The following RBFOX1 variants were observed in gnomAD, a reference collection of about 807,000 sequenced individuals.
The protein encoded by RBFOX1 is RNA binding fox-1 homolog 1, also known as RNA binding protein fox-1 homolog 1.
A neutral mutation model predicts 57.7 loss-of-function variants in RBFOX1; 8 were observed. That is an observed-to-expected ratio of 0.14 (90% CI 0.08 to 0.25). The LOEUF is 0.25. Ranked by LOEUF, RBFOX1 falls within the 10% of genes least tolerant of loss-of-function variation. RBFOX1 has a pLI of 1.00. For missense variants in RBFOX1, 611 were observed against 548.5 expected, an observed-to-expected ratio of 1.11 and a Z score of -1.14; for synonymous variants, 326 against 222.4, an observed-to-expected ratio of 1.47 and a Z score of -4.15.
At chr16:7,492,590 C>G (rs1241575872) in intron 4 of RBFOX1, among the ~76,000 whole-genome samples, 1 of 152,198 alleles carries the variant, frequency 6.6e-6, no homozygotes, top group Admixed American at 6.5e-5. Context: ...ATTGTCCCAT[C>G]TAAATCTCAT....
chr16:6,887,528 T>C (rs1276699542), intron 3 of RBFOX1, among the ~76,000 whole-genome samples: 1 of 152,006 alleles, frequency 6.6e-6, no homozygotes, highest in Non-Finnish European at 1.5e-5. Flanking sequence ...GTGATTTCCC[T>C]ATATCTGTTT....
rs151084770 is a variant in RBFOX1, at chr16:6,829,277, A to G, written c.-16+174627A>G. 5.2e-3 allele frequency among the ~76,000 whole-genome samples: 792 copies of G among 152,116 alleles called. 14 individuals are homozygous for G. Among genetic ancestry groups the G allele is most frequent in the African/African-American group, 0.019 (771 of 41,508 alleles). On this transcript the variant is annotated intron_variant, in intron 3 of 15. Coordinates refer to ENST00000550418, the MANE Select transcript of RBFOX1 (RefSeq NM_018723.4). Reference sequence around the variant, plus strand: ...AAAAAAAAATAGCATAAAAGGAGAAATCTGAGAAGTTCTACTTTTAGGAAT... The same window carrying G: ...AAAAAAAAATAGCATAAAAGGAGAAGTCTGAGAAGTTCTACTTTTAGGAAT...
chr16:7,129,314 T>C (rs1238854054), intron 4 of RBFOX1, among the ~76,000 whole-genome samples: 7 of 152,114 alleles, frequency 4.6e-5, no homozygotes, highest in Non-Finnish European at 1.0e-4. Context: ...TTTGGTTAGA[T>C]TTGGGTCCTG....
chr16:6,932,449 T>G (rs140871893), intron 3 of RBFOX1, among the ~76,000 whole-genome samples: 74 of 152,250 alleles, frequency 4.9e-4, no homozygotes, highest in African/African-American at 1.7e-3. Context: ...ACCATTACAT[T>G]GGCAGTTACA....
chr16:5,888,603 C>G (rs1041927102), intron 4 of RBFOX1, among the ~76,000 whole-genome samples: 3 of 152,020 alleles, frequency 2.0e-5, no homozygotes, highest in East Asian at 3.9e-4. Flanking sequence ...CAAGACCAGC[C>G]TGACCAACAT....
intron 2 of RBFOX1, among the ~76,000 whole-genome samples, chr16:6,571,419 G>T (rs1021507204): frequency 6.6e-6 from 1 of 152,204 alleles, no homozygotes; most frequent in Non-Finnish European, 1.5e-5. Flanking sequence ...GTGATCTATG[G>T]CAGAGACCCA....
At chr16:7,031,221 C>G (rs898156038) in intron 3 of RBFOX1, among the ~76,000 whole-genome samples, 1 of 152,168 alleles carries the variant, frequency 6.6e-6, no homozygotes, top group African/African-American at 2.4e-5. Flanking sequence ...GCTGCCTGGC[C>G]TGGAATCCTG....
At chr16:5,494,295 C>T (rs2042929495) in intron 2 of RBFOX1, among the ~76,000 whole-genome samples, 1 of 152,198 alleles carries the variant, frequency 6.6e-6, no homozygotes, top group African/African-American at 2.4e-5. Flanking sequence ...CTAGAATCTG[C>T]AGCGTATGTG....
intron 4 of RBFOX1, among the ~76,000 whole-genome samples, chr16:7,504,737 A>ATATTTATATATATATATATT (rs1953514431): frequency 1.5e-4 from 1 of 6,492 alleles, no homozygotes; most frequent in African/African-American, 3.8e-4. Flanking sequence ...ATATATATAT[A>ATATTTATATATATATATATT]TATATATATA....
chr16:7,663,227 T>TCAAAG, intron 12 of RBFOX1, among the ~76,000 whole-genome samples: 1 of 152,276 alleles, frequency 6.6e-6, no homozygotes, highest in East Asian at 1.9e-4. Context: ...GAAAAAGAAT[T>TCAAAG]CAAAGCATAG....
At chr16:6,639,235 T>C (rs1348771954) in intron 2 of RBFOX1, among the ~76,000 whole-genome samples, 1 of 152,212 alleles carries the variant, frequency 6.6e-6, no homozygotes, top group African/African-American at 2.4e-5. Flanking sequence ...GGACTGCCCA[T>C]TGGATGTCTT....
intron 3 of RBFOX1, among the ~76,000 whole-genome samples, chr16:6,854,359 G>GTTTCCT (rs2057402911): frequency 6.6e-6 from 1 of 152,006 alleles, no homozygotes; most frequent in Admixed American, 6.6e-5. Context: ...AGAGGAAAGG[G>GTTTCCT]CTTAAGGGGT....
At chr16:5,999,329 C>G (rs1484366391) in intron 4 of RBFOX1, among the ~76,000 whole-genome samples, 1 of 152,224 alleles carries the variant, frequency 6.6e-6, no homozygotes, top group Non-Finnish European at 1.5e-5. Flanking sequence ...TTTCTCTCAG[C>G]TCAGACATCA....
chr16:6,184,380 G>C (rs2097091237), intron 1 of RBFOX1, among the ~76,000 whole-genome samples: 1 of 152,134 alleles, frequency 6.6e-6, no homozygotes, highest in Non-Finnish European at 1.5e-5. Context: ...AATCCAGAAG[G>C]AGACATTACA....
chr16:7,246,968 AC>A (rs1448198104), intron 4 of RBFOX1, among the ~76,000 whole-genome samples: 1 of 152,098 alleles, frequency 6.6e-6, no homozygotes, highest in African/African-American at 2.4e-5. Flanking sequence ...ACATTAGGAT[AC>A]CCTATGTATT....
At chr16:7,630,375 G>A (rs532503663) in intron 10 of RBFOX1, among the ~76,000 whole-genome samples, 2 of 151,688 alleles carry the variant, frequency 1.3e-5, no homozygotes, top group Admixed American at 1.3e-4. Flanking sequence ...ACACAACCCC[G>A]TGTGAAAAGT....
intron 2 of RBFOX1, among the ~76,000 whole-genome samples, chr16:6,617,741 C>A (rs1257828282): frequency 6.6e-6 from 1 of 152,102 alleles, no homozygotes; most frequent in Non-Finnish European, 1.5e-5. Context: ...ATATTTTGTG[C>A]AATTTCAGCC....
chr16:6,372,538 G>A (rs2090589522), intron 2 of RBFOX1, among the ~76,000 whole-genome samples: 1 of 152,054 alleles, frequency 6.6e-6, no homozygotes, highest in African/African-American at 2.4e-5. Flanking sequence ...TAGGATCTTT[G>A]GGTAGGAGGA....
At chr16:7,175,231 G>T (rs1184466699) in intron 4 of RBFOX1, among the ~76,000 whole-genome samples, 1 of 151,802 alleles carries the variant, frequency 6.6e-6, no homozygotes, top group Non-Finnish European at 1.5e-5. Flanking sequence ...CCCAGTGTGT[G>T]TTGTTCCTCT....
Sources: allele counts gnomAD v4.1 joint callset (sites outside exome capture counted in the v4.1 genomes callset), GRCh38; gene constraint gnomAD v4.1.1; transcripts MANE v1.5; gene names NCBI Gene and HGNC (gene_info 2026-07-23, HGNC 2026-07-21).